Variants in SSBP3 observed in about 807,000 individuals in gnomAD.
The protein encoded by SSBP3 is single-stranded DNA-binding protein 3.
SSBP3 carries 5 observed loss-of-function variants against 69.6 expected under a neutral mutation model. That is an observed-to-expected ratio of 0.07 (90% confidence interval 0.04 to 0.15). The LOEUF is 0.15. SSBP3 is among the 10% of genes least tolerant of loss of function. SSBP3 has a pLI of 1.00. For missense variants in SSBP3, 312 were observed against 534.0 expected, an observed-to-expected ratio of 0.58 and a Z score of 4.10; for synonymous variants, 196 against 193.4, an observed-to-expected ratio of 1.01 and a Z score of -0.11.
At chr1:54,246,081 T>G (rs1251307193) in intron 9 of SSBP3, among the ~76,000 whole-genome samples, 1 of 152,164 alleles carries the variant, frequency 6.6e-6, no homozygotes, top group Admixed American at 6.5e-5. Flanking sequence ...CTGTGCTGCC[T>G]TGTCTATAAA....
At chr1:54,290,621 G>A (rs1557501252) in intron 4 of SSBP3, among the ~76,000 whole-genome samples, 1 of 152,180 alleles carries the variant, frequency 6.6e-6, no homozygotes, top group Non-Finnish European at 1.5e-5. Context: ...GCTTCTTCTG[G>A]GGACTGGATC....
rs146840548 is a variant in SSBP3 at position 54,269,744 on chromosome 1, G to C, written c.367-11595C>G. Among the ~76,000 whole-genome samples the C allele has an allele frequency of 2.7e-3, 412 of 152,370 alleles. 1 individual carries two copies. Among genetic ancestry groups the C allele is most frequent in the Non-Finnish European group, 5.2e-3 (351 of 68,034 alleles). On this transcript the variant is annotated intron_variant, in intron 5 of 17. Transcript: ENST00000610401. ...ATGGAGGGGCAGAGGCCAGGTCTGA[G>C]AGCCAGCAGCTCTGGTGCTTGCCCT...
chr1:54,364,301 C>T (rs529683426), intron 4 of SSBP3, among the ~76,000 whole-genome samples: 11 of 152,262 alleles, frequency 7.2e-5, no homozygotes, highest in African/African-American at 2.2e-4. Flanking sequence ...TTGGCCAAAC[C>T]CTACTCTAGT....
chr1:54,250,171 C>T (rs1217943408), intron 9 of SSBP3, among the ~76,000 whole-genome samples: 1 of 152,216 alleles, frequency 6.6e-6, no homozygotes, highest in Non-Finnish European at 1.5e-5. Context: ...GCCACTCTGG[C>T]AGCTTAAAAG....
chr1:54,358,520 A>G (rs753867379), intron 4 of SSBP3, among the ~76,000 whole-genome samples: 1 of 152,206 alleles, frequency 6.6e-6, no homozygotes. Context: ...TGCAGCTCAC[A>G]CCTTGCTCCA....
intron 13 of SSBP3, among the ~76,000 whole-genome samples, chr1:54,240,087 T>TGTGCGCGCGCGCGTGTGCGTGCGC (rs1159547661): frequency 2.4e-5 from 1 of 42,344 alleles, no homozygotes. Flanking sequence ...TGTGTGTGTG[T>TGTGCGCGCGCGCGTGTGCGTGCGC]GCGCGCGCGC....
intron 5 of SSBP3, among the ~76,000 whole-genome samples, chr1:54,272,490 A>T (rs572477081): frequency 2.0e-3 from 303 of 149,774 alleles, no homozygotes; most frequent in African/African-American, 6.8e-3. Context: ...CTTTTTTTTA[A>T]AAAAAAAAAA....
chr1:54,322,945 A>G (rs1646240042), intron 4 of SSBP3, among the ~76,000 whole-genome samples: 2 of 152,228 alleles, frequency 1.3e-5, no homozygotes, highest in Admixed American at 1.3e-4. Flanking sequence ...TTGTCCCAGG[A>G]CAAAACTGAC....
intron 4 of SSBP3, among the ~76,000 whole-genome samples, chr1:54,317,294 T>C (rs984504147): frequency 2.0e-5 from 3 of 152,142 alleles, no homozygotes; most frequent in Admixed American, 2.0e-4. Context: ...TCTCAGCACT[T>C]TGGAGGCCAA....
intron 4 of SSBP3, among the ~76,000 whole-genome samples, chr1:54,317,600 GTGTAGACC>G: frequency 6.6e-6 from 1 of 152,162 alleles, no homozygotes; most frequent in South Asian, 2.1e-4. Flanking sequence ...ACAAAAAAAT[GTGTAGACC>G]TGGGCAGCCT....
At chr1:54,272,760 C>T (rs997067587) in intron 5 of SSBP3, among the ~76,000 whole-genome samples, 6 of 152,194 alleles carry the variant, frequency 3.9e-5, no homozygotes, top group South Asian at 2.1e-4. Context: ...TCTAAGAAAA[C>T]GCAAAGTAAA....
At chr1:54,305,757 TGA>T (rs927369502) in intron 4 of SSBP3, among the ~76,000 whole-genome samples, 1 of 151,454 alleles carries the variant, frequency 6.6e-6, no homozygotes, top group Non-Finnish European at 1.5e-5. Context: ...TGCGTCCGGC[TGA>T]GTTTGGATTT....
intron 4 of SSBP3, among the ~76,000 whole-genome samples, chr1:54,293,011 T>C (rs1645636144): frequency 6.6e-6 from 1 of 151,888 alleles, no homozygotes; most frequent in Admixed American, 6.6e-5. Context: ...ACAGAGGGGA[T>C]GAAGAGATGG....
intron 4 of SSBP3, among the ~76,000 whole-genome samples, chr1:54,383,143 G>C (rs1647805766): frequency 6.6e-6 from 1 of 152,138 alleles, no homozygotes; most frequent in South Asian, 2.1e-4. Context: ...GGAGGCCGAG[G>C]TGGGCGGATT....
At chr1:54,289,825 G>A (rs1645571872) in intron 4 of SSBP3, among the ~76,000 whole-genome samples, 1 of 152,114 alleles carries the variant, frequency 6.6e-6, no homozygotes, top group African/African-American at 2.4e-5. Flanking sequence ...TAGGGGGTGG[G>A]TGTGGGGCTT....
intron 5 of SSBP3, among the ~76,000 whole-genome samples, chr1:54,266,181 T>A (rs1645100884): frequency 6.6e-6 from 1 of 152,182 alleles, no homozygotes; most frequent in Non-Finnish European, 1.5e-5. Flanking sequence ...AGAGATGTGA[T>A]CTCATTGGTT....
At chr1:54,313,704 GA>G (rs1173407538) in intron 4 of SSBP3, among the ~76,000 whole-genome samples, 1 of 151,144 alleles carries the variant, frequency 6.6e-6, no homozygotes, top group Non-Finnish European at 1.5e-5. Flanking sequence ...ATGCTACTCA[GA>G]GTCAAGATAG....
intron 4 of SSBP3, among the ~76,000 whole-genome samples, chr1:54,339,568 T>TAA (rs879633172): frequency 3.5e-5 from 5 of 144,538 alleles, no homozygotes; most frequent in South Asian, 2.2e-4. Context: ...TAGTAACCAC[T>TAA]AAAAAAAAAA....
chr1:54,293,266 T>C (rs1201295431), intron 4 of SSBP3, among the ~76,000 whole-genome samples: 1 of 151,698 alleles, frequency 6.6e-6, no homozygotes, highest in Non-Finnish European at 1.5e-5. Context: ...TCGCTTAGGA[T>C]CCCGGTGAGA....
Sources: allele counts gnomAD v4.1 joint callset (sites outside exome capture counted in the v4.1 genomes callset), GRCh38; gene constraint gnomAD v4.1.1; transcripts MANE v1.5; gene names NCBI Gene and HGNC (gene_info 2026-07-23, HGNC 2026-07-21).